DSCAM: variants seen among roughly 807,000 people sequenced by gnomAD.
The protein encoded by DSCAM is cell adhesion molecule DSCAM.
In DSCAM, 47 loss-of-function variants were observed where a neutral mutation model predicts 217.7. That is an observed-to-expected ratio of 0.22 (90% confidence interval 0.17 to 0.28). The LOEUF is 0.28. Among genes scored for constraint, DSCAM ranks in the 10% least tolerant of loss-of-function variants. The pLI, the probability that DSCAM is intolerant of heterozygous loss-of-function variation, is 1.00. For missense variants in DSCAM, 2,080 were observed against 2,618.3 expected (o/e 0.79, Z 4.49); for synonymous variants, 1,056 against 1,015.3 (o/e 1.04, Z -0.76).
chr21:40,440,795 A>G (rs111244472), intron 3 of DSCAM, among the ~76,000 whole-genome samples: 207 of 125,814 alleles, frequency 1.6e-3, no homozygotes, highest in East Asian at 6.8e-3. Flanking sequence ...ACCCCATATG[A>G]CAGGACCTAT....
intron 1 of DSCAM, among the ~76,000 whole-genome samples, chr21:40,749,359 C>T (rs2091205341): frequency 6.6e-6 from 1 of 152,026 alleles, no homozygotes; most frequent in Admixed American, 6.6e-5. Context: ...ATATAAGGAA[C>T]TCAAACAACT....
intron 19 of DSCAM, among the ~76,000 whole-genome samples, chr21:40,128,973 C>T (rs529947825): frequency 2.0e-5 from 3 of 152,032 alleles, no homozygotes; most frequent in Non-Finnish European, 4.4e-5. Flanking sequence ...GTAAAAATAC[C>T]ACAATCATTT....
intron 11 of DSCAM, among the ~76,000 whole-genome samples, chr21:40,191,008 T>C (rs1486315578): frequency 6.6e-6 from 1 of 152,208 alleles, no homozygotes; most frequent in Non-Finnish European, 1.5e-5. Context: ...TTTTATCTCA[T>C]TTCCCCAATC....
At chr21:40,767,236 T>C (rs180882223) in intron 1 of DSCAM, among the ~76,000 whole-genome samples, 146 of 152,308 alleles carry the variant, frequency 9.6e-4, no homozygotes, top group African/African-American at 3.3e-3. Context: ...CTAGAGTAAG[T>C]AAGCAGGGTT....
At chr21:40,108,313 G>A (rs774671195) in intron 20 of DSCAM, among the ~76,000 whole-genome samples, 1 of 152,114 alleles carries the variant, frequency 6.6e-6, no homozygotes, top group East Asian at 1.9e-4. Context: ...CTTCAGTAAA[G>A]TCTCAGGATA....
chr21:40,296,401 C>G (rs995488972), intron 9 of DSCAM, among the ~76,000 whole-genome samples: 5 of 152,004 alleles, frequency 3.3e-5, no homozygotes, highest in Non-Finnish European at 4.4e-5. Context: ...AGGTAAAAGC[C>G]CTTTGAACTA....
chr21:40,418,576 C>T (rs999570445), intron 3 of DSCAM, among the ~76,000 whole-genome samples: 1 of 152,098 alleles, frequency 6.6e-6, no homozygotes, highest in Admixed American at 6.6e-5. Context: ...ATTGCCGGTA[C>T]TGAAGGGCAA....
At chr21:40,583,618 C>T (rs2076921519) in intron 3 of DSCAM, among the ~76,000 whole-genome samples, 1 of 152,106 alleles carries the variant, frequency 6.6e-6, no homozygotes, top group Non-Finnish European at 1.5e-5. Context: ...TTAAAAAATG[C>T]CAGTTTCCTT....
At chr21:40,029,452 G>A (rs1256471401) in intron 32 of DSCAM, among the ~76,000 whole-genome samples, 1 of 151,424 alleles carries the variant, frequency 6.6e-6, no homozygotes, top group Admixed American at 6.6e-5. Flanking sequence ...GTGGGAAAAG[G>A]CCACTGCCTG....
At chr21:40,352,405 C>A (rs1408266136) in intron 5 of DSCAM, among the ~76,000 whole-genome samples, 1 of 152,022 alleles carries the variant, frequency 6.6e-6, no homozygotes. Flanking sequence ...CTTTCTAATC[C>A]CAGACTAAAC....
At chr21:40,083,861 G>T in intron 24 of DSCAM, 47 bp downstream of exon 24, 1 of 1,481,802 alleles carries the variant, frequency 6.7e-7, no homozygotes, top group South Asian at 1.2e-5. Flanking sequence ...ATTGGCATGT[G>T]GATCACACAA....
At chr21:40,361,755 A>G (rs1218648546) in intron 4 of DSCAM, among the ~76,000 whole-genome samples, 1 of 152,250 alleles carries the variant, frequency 6.6e-6, no homozygotes, top group African/African-American at 2.4e-5. Context: ...ATTACATAAT[A>G]TCAAGTATTA....
At position 40,181,899 on chromosome 21, in the gene DSCAM, T is replaced by C. The variant is rs75945230; in HGVS notation, c.2780-2805A>G. 5.0e-3 allele frequency among the ~76,000 whole-genome samples: 756 copies of C among 152,050 alleles called. 13 individuals carry two copies. The highest frequency in any genetic ancestry group is 0.017 in the African/African-American group (722 of 41,476). ...AGCATTCACGAAAGAGTGGGCGGGA[T>C]GCCATGGCTTGCTCCAGGGAGACTG... On this transcript the variant is annotated intron_variant, in intron 14 of 32. Coordinates refer to ENST00000400454, the MANE Select transcript of DSCAM (RefSeq NM_001389.5).
intron 28 of DSCAM, among the ~76,000 whole-genome samples, chr21:40,059,301 A>G (rs1218364319): frequency 1.3e-5 from 2 of 152,250 alleles, no homozygotes; most frequent in African/African-American, 4.8e-5. Flanking sequence ...TTAGCTCTCT[A>G]CAGTATACAG....
chr21:40,441,101 C>T (rs2075626187), intron 3 of DSCAM, among the ~76,000 whole-genome samples: 1 of 74,044 alleles, frequency 1.4e-5, no homozygotes. Context: ...GAGGCAAACA[C>T]ATAGAATATG....
intron 3 of DSCAM, among the ~76,000 whole-genome samples, chr21:40,408,215 G>T (rs931671028): frequency 4.6e-5 from 7 of 152,148 alleles, no homozygotes; most frequent in South Asian, 4.2e-4. Flanking sequence ...ATAATTCAGG[G>T]TTAGCATTGA....
At chr21:40,543,232 T>C (rs2076555617) in intron 3 of DSCAM, among the ~76,000 whole-genome samples, 1 of 152,170 alleles carries the variant, frequency 6.6e-6, no homozygotes, top group Non-Finnish European at 1.5e-5. Flanking sequence ...ACCTGATGTA[T>C]TCACCTCCAA....
In DSCAM at chr21:40,306,703, T is replaced by G. The variant is rs897917913; in HGVS notation, c.2062+5378A>C. 9.8e-5 allele frequency among the ~76,000 whole-genome samples: 15 copies of G among 152,292 alleles called. No individual in the cohort carries two copies. In the South Asian group the frequency reaches 1.7e-3, roughly 17 times the overall value. Reference sequence around the variant, plus strand: ...TTTTCTGCATCTATTGAGATAATCATGTGTTTTTTGTCTTTGGTTCTGTTA... The same window carrying G: ...TTTTCTGCATCTATTGAGATAATCAGGTGTTTTTTGTCTTTGGTTCTGTTA... On this transcript the variant is annotated intron_variant, in intron 9 of 32. Transcript: ENST00000400454.
chr21:40,260,449 A>G (rs1314611783), intron 11 of DSCAM, among the ~76,000 whole-genome samples: 1 of 152,196 alleles, frequency 6.6e-6, no homozygotes, highest in African/African-American at 2.4e-5. Flanking sequence ...GACACTTGCC[A>G]TGACCTGCCA....
Sources: allele counts gnomAD v4.1 joint callset (sites outside exome capture counted in the v4.1 genomes callset), GRCh38; gene constraint gnomAD v4.1.1; transcripts MANE v1.5; gene names NCBI Gene and HGNC (gene_info 2026-07-23, HGNC 2026-07-21).